The following CSMD1 variants were observed in gnomAD, a reference collection of about 807,000 sequenced individuals.
CSMD1 encodes CUB and Sushi multiple domains 1.
A neutral mutation model predicts 417.5 loss-of-function variants in CSMD1; 213 were observed. The observed-to-expected ratio is 0.51, with a 90% confidence interval of 0.46 to 0.57. CSMD1 has a LOEUF of 0.57. Ranked by LOEUF, CSMD1 falls within the 20% of genes least tolerant of loss-of-function variation. The probability of loss-of-function intolerance (pLI) is 0.00; values close to 1 mark genes in which losing one functional copy is unlikely to be tolerated. For missense variants in CSMD1, 6,923 were observed against 4,529.7 expected, an observed-to-expected ratio of 1.53 and a Z score of -15.17; for synonymous variants, 2,862 against 1,736.8, an observed-to-expected ratio of 1.65 and a Z score of -16.11.
At chr8:4,867,553 A>G (rs1466175677) in intron 1 of CSMD1, among the ~76,000 whole-genome samples, 2 of 152,010 alleles carry the variant, frequency 1.3e-5, no homozygotes, top group Non-Finnish European at 2.9e-5. Flanking sequence ...ATTGCAAGGG[A>G]TAGTCCCAGA....
chr8:3,634,883 G>C (rs932201681), intron 7 of CSMD1, among the ~76,000 whole-genome samples: 2 of 152,106 alleles, frequency 1.3e-5, no homozygotes, highest in Admixed American at 1.3e-4. Context: ...CTAGATAGTA[G>C]AGCCTGCTGG....
At chr8:4,072,766 C>A (rs1236307106) in intron 3 of CSMD1, among the ~76,000 whole-genome samples, 2 of 152,150 alleles carry the variant, frequency 1.3e-5, no homozygotes, top group African/African-American at 4.8e-5. Context: ...AATTCCTTCA[C>A]ATGGAGCCTC....
At chr8:3,949,048 A>C (rs577593430) in intron 5 of CSMD1, among the ~76,000 whole-genome samples, 2 of 152,168 alleles carry the variant, frequency 1.3e-5, no homozygotes, top group Non-Finnish European at 2.9e-5. Context: ...TGAGTGTGAT[A>C]TTACTGTTTT....
intron 18 of CSMD1, among the ~76,000 whole-genome samples, chr8:3,370,417 G>A (rs113116340): frequency 1.3e-5 from 2 of 152,208 alleles, no homozygotes; most frequent in Middle Eastern, 3.2e-3. Context: ...TCCACCTGCA[G>A]TTGTGAGGCC....
chr8:3,833,127 T>G (rs189943788), intron 5 of CSMD1, among the ~76,000 whole-genome samples: 2 of 152,280 alleles, frequency 1.3e-5, no homozygotes, highest in East Asian at 3.9e-4. Context: ...AGGGAGCATG[T>G]CAAACGATCA....
intron 3 of CSMD1, among the ~76,000 whole-genome samples, chr8:4,136,007 A>G (rs1322082814): frequency 6.6e-6 from 1 of 152,218 alleles, no homozygotes; most frequent in Non-Finnish European, 1.5e-5. Context: ...ATTGAATTCA[A>G]TTTCAAAAAA....
At chr8:3,846,409 G>T (rs975099750) in intron 5 of CSMD1, among the ~76,000 whole-genome samples, 2 of 151,788 alleles carry the variant, frequency 1.3e-5, no homozygotes, top group Admixed American at 1.3e-4. Flanking sequence ...ATAAACATAT[G>T]TAAGTTTTGA....
At chr8:3,699,640 G>A (rs1462932784) in intron 7 of CSMD1, among the ~76,000 whole-genome samples, 2 of 152,126 alleles carry the variant, frequency 1.3e-5, no homozygotes, top group East Asian at 3.9e-4. Flanking sequence ...CTACCGTTAT[G>A]ACAGCACTCT....
intron 3 of CSMD1, among the ~76,000 whole-genome samples, chr8:4,160,096 AG>A (rs1229887136): frequency 8.1e-5 from 6 of 74,532 alleles, no homozygotes; most frequent in African/African-American, 3.0e-4. Context: ...AAAAAAAAAA[AG>A]AAAAAGCACT....
chr8:4,149,645 C>A (rs1446891988), intron 3 of CSMD1, among the ~76,000 whole-genome samples: 1 of 152,156 alleles, frequency 6.6e-6, no homozygotes, highest in Admixed American at 6.5e-5. Context: ...AGCTCAACAC[C>A]TACAGAATGG....
rs1563255416 is a variant in CSMD1, at chr8:3,029,424, C to A, written c.7750G>T (p.Val2584Leu). The A allele has an allele frequency of 6.2e-7, 1 of 1,611,472 alleles. No individual in the cohort carries two copies. Among genetic ancestry groups the A allele is most frequent in the Admixed American group, 1.7e-5 (1 of 59,684 alleles). ...TAACCAGGACTGCAGCTCAGCAATA[C>A]TTGAGCACCGTACTCATTCAAGGAT... ...SGSLNEYGAQ[V>L]LLSCSPGYYL... Residue 2584 changes from valine to leucine, a missense_variant, in exon 51 of 70, where the codon GTA (valine) becomes TTA (leucine). Physicochemically the swap from Val to Leu is conservative, Grantham distance 32. Transcript: ENST00000635120.
intron 64 of CSMD1, 28 bp from the exon 65 acceptor site, chr8:2,954,296 T>TA (rs759418009): frequency 4.6e-6 from 6 of 1,315,488 alleles, no homozygotes; most frequent in East Asian, 5.1e-5. Context: ...AATTATCATT[T>TA]TAAAAAAAAC....
chr8:4,787,347 G>A, intron 1 of CSMD1: 1 of 735,948 alleles, frequency 1.4e-6, no homozygotes, highest in Non-Finnish European at 2.5e-6. Context: ...GACAGCTGAG[G>A]TACTGAACAC....
At chr8:3,417,239 T>G (rs572917698) in intron 12 of CSMD1, among the ~76,000 whole-genome samples, 2 of 152,324 alleles carry the variant, frequency 1.3e-5, no homozygotes, top group Admixed American at 6.5e-5. Context: ...AAGAGGGACC[T>G]TTAAATTCCA....
intron 3 of CSMD1, among the ~76,000 whole-genome samples, chr8:4,182,164 A>C (rs925846308): frequency 6.6e-6 from 1 of 152,080 alleles, no homozygotes; most frequent in African/African-American, 2.4e-5. Context: ...AGCACCAACA[A>C]AATAGACCTA....
At chr8:3,155,980 C>G (rs1819504239) in intron 39 of CSMD1, among the ~76,000 whole-genome samples, 2 of 152,134 alleles carry the variant, frequency 1.3e-5, no homozygotes, top group Admixed American at 6.5e-5. Flanking sequence ...CATTGAATAC[C>G]TAAATTTATT....
intron 1 of CSMD1, among the ~76,000 whole-genome samples, chr8:4,797,599 G>C (rs1257819768): frequency 1.3e-5 from 2 of 152,128 alleles, no homozygotes; most frequent in Non-Finnish European, 2.9e-5. Flanking sequence ...CAGGGTATGG[G>C]GGGAGAGAGA....
chr8:4,925,026 C>G (rs1183101679), intron 1 of CSMD1, among the ~76,000 whole-genome samples: 1 of 151,892 alleles, frequency 6.6e-6, no homozygotes, highest in Admixed American at 6.6e-5. Flanking sequence ...AATGAATGAG[C>G]AAGTGACTTG....
intron 5 of CSMD1, among the ~76,000 whole-genome samples, chr8:3,808,286 T>G (rs138602290): frequency 1.3e-4 from 20 of 152,292 alleles, no homozygotes; most frequent in African/African-American, 4.6e-4. Context: ...ATTTTTTTCA[T>G]TGTTGTTCTT....
Sources: gnomAD v4.1 joint callset for allele counts (sites outside exome capture counted in the v4.1 genomes callset) on GRCh38, gnomAD v4.1.1 for gene constraint, MANE v1.5 for transcripts, NCBI Gene and HGNC (gene_info 2026-07-23, HGNC 2026-07-21) for gene names.